Variants in TENM4 observed in about 807,000 individuals in gnomAD.
TENM4 encodes teneurin transmembrane protein 4.
TENM4 carries 82 observed loss-of-function variants against 243.3 expected under a neutral mutation model. That is an observed-to-expected ratio of 0.34 (90% CI 0.28 to 0.40). TENM4 has a LOEUF of 0.40. Ranked by LOEUF, TENM4 falls within the 10% of genes least tolerant of loss-of-function variation. TENM4 has a pLI of 1.00. For synonymous variants in TENM4, 1,412 were observed against 1,456.3 expected (o/e 0.97, Z 0.69); for missense variants, 3,138 against 3,673.3 (o/e 0.85, Z 3.77).
intron 1 of TENM4, among the ~76,000 whole-genome samples, chr11:79,379,057 A>T (rs143997523): frequency 6.6e-6 from 1 of 152,182 alleles, no homozygotes; most frequent in Admixed American, 6.5e-5. Flanking sequence ...AGAAAATAAG[A>T]CAATGAGAGT....
intron 20 of TENM4, 118 bp from the exon 21 acceptor site, chr11:78,732,695 G>A: frequency 8.2e-7 from 1 of 1,221,064 alleles, no homozygotes; most frequent in Non-Finnish European, 1.1e-6. Flanking sequence ...AGCATTTCTT[G>A]AGGGAGGCTC....
chr11:78,926,689 TTC>T (rs66505837), intron 6 of TENM4, among the ~76,000 whole-genome samples: 30,932 of 149,268 alleles, frequency 0.21, 3,261 homozygotes, highest in Middle Eastern at 0.27. Flanking sequence ...TTTTTTTTTT[TTC>T]TGCCACAGAG....
intron 12 of TENM4, among the ~76,000 whole-genome samples, chr11:78,844,833 T>A (rs111366654): frequency 3.8e-4 from 58 of 152,230 alleles, no homozygotes; most frequent in African/African-American, 1.4e-3. Flanking sequence ...AGAAATAAAT[T>A]TCTATTTTAA....
chr11:78,921,168 C>A (rs207472030), intron 6 of TENM4, among the ~76,000 whole-genome samples: 1 of 152,176 alleles, frequency 6.6e-6, no homozygotes, highest in African/African-American at 2.4e-5. Context: ...TTACAGGGAT[C>A]CAGAAAAGCT....
intron 10 of TENM4, among the ~76,000 whole-genome samples, chr11:78,857,829 A>C (rs950230951): frequency 6.6e-6 from 1 of 152,264 alleles, no homozygotes; most frequent in Non-Finnish European, 1.5e-5. Context: ...ATTCTTTCTT[A>C]TCTGATTTTT....
intron 4 of TENM4, among the ~76,000 whole-genome samples, chr11:79,110,168 A>G (rs1175663884): frequency 6.6e-6 from 1 of 152,174 alleles, no homozygotes; most frequent in African/African-American, 2.4e-5. Context: ...CATCATCATC[A>G]TAACACAGAC....
At chr11:79,041,667 C>T (rs1859536135) in intron 6 of TENM4, among the ~76,000 whole-genome samples, 2 of 152,252 alleles carry the variant, frequency 1.3e-5, no homozygotes, top group South Asian at 4.1e-4. Flanking sequence ...TTTGAAATCA[C>T]TTTGAAGATG....
chr11:78,686,671 G>C (rs1250728126), intron 29 of TENM4, among the ~76,000 whole-genome samples: 1 of 152,198 alleles, frequency 6.6e-6, no homozygotes, highest in African/African-American at 2.4e-5. Flanking sequence ...AGAGTTGATT[G>C]CTTGCTTCAT....
At position 78,670,342 on chromosome 11, in the gene TENM4, G is replaced by A. The variant is rs1034645802; in HGVS notation, c.6003C>T (p.Thr2001=). The change falls in exon 32 of 34, where the codon ACC becomes ACT. Residue 2001 remains threonine, a synonymous_variant. Transcript: ENST00000278550. ...CCCTGCGGCCAGTGCCCAGGTAGAA[G>A]GTGTGAAGGAGGTGCCCATCCTCAG... ...DFTEDGHLLH[T]FYLGTGRRVI... 1 of 1,613,912 alleles carries A rather than the reference G, an allele frequency of 6.2e-7. No individual in the cohort carries two copies. Among genetic ancestry groups the A allele is most frequent in the African/African-American group, 1.3e-5 (1 of 75,050 alleles).
chr11:78,849,710 C>T (rs552582512), intron 12 of TENM4, among the ~76,000 whole-genome samples: 15 of 152,274 alleles, frequency 9.9e-5, no homozygotes, highest in African/African-American at 1.7e-4. Flanking sequence ...GTCAGACAGA[C>T]GCAAATTCAT....
rs111262063 is a variant in TENM4, at chr11:78,866,579, C to G, written c.1085-3447G>C. Among the ~76,000 whole-genome samples, 167 of 150,106 alleles carry G rather than the reference C, an allele frequency of 1.1e-3. 2 individuals carry two copies. Among genetic ancestry groups the G allele is most frequent in the Middle Eastern group, 7.1e-3 (2 of 280 alleles). The stretch of plus-strand genomic sequence containing the variant: ...CCCAGGGAAGTTAATGAGGGCAGGA[C>G]AGTCCACAGTTATGAGGGTGGGGGA... On this transcript the variant is annotated intron_variant, in intron 9 of 33. Transcript: ENST00000278550.
At chr11:79,139,606 ATATAT>A (rs1189988144) in intron 4 of TENM4, among the ~76,000 whole-genome samples, 1 of 103,268 alleles carries the variant, frequency 9.7e-6, no homozygotes, top group African/African-American at 4.1e-5. Flanking sequence ...TATATAAAAT[ATATAT>A]TATATTTATA....
chr11:79,195,088 C>G (rs893670052), intron 3 of TENM4, among the ~76,000 whole-genome samples: 1 of 152,244 alleles, frequency 6.6e-6, no homozygotes, highest in African/African-American at 2.4e-5. Flanking sequence ...CAAGCCTTGG[C>G]AGCCTCCACA....
rs570535241 is a variant in TENM4, at chr11:79,251,718, T to G, written c.-264-35809A>C. Among the ~76,000 whole-genome samples, 9 of 151,700 alleles carry G rather than the reference T, an allele frequency of 5.9e-5. No homozygotes were observed. The South Asian group carries it at 1.9e-3, about 32-fold the overall frequency. On this transcript the variant is annotated intron_variant, in intron 2 of 33. Coordinates refer to ENST00000278550, the MANE Select transcript of TENM4 (RefSeq NM_001098816.3). ...TGATAGATTATACATGTATTTAAAT[T>G]ACTAAAAAGATAAAGGAATAAAAAT...
intron 12 of TENM4, among the ~76,000 whole-genome samples, chr11:78,844,392 C>T (rs189660365): frequency 1.5e-3 from 231 of 152,264 alleles, no homozygotes; most frequent in Non-Finnish European, 2.7e-3. Flanking sequence ...GCCTGTAATT[C>T]CAGCACTTTG....
intron 18 of TENM4, among the ~76,000 whole-genome samples, chr11:78,763,331 G>C (rs1306824959): frequency 6.6e-6 from 1 of 152,190 alleles, no homozygotes; most frequent in Non-Finnish European, 1.5e-5. Context: ...TAGGGATGCA[G>C]CCATGCTGCA....
rs552792142 is a variant in TENM4 at position 79,119,924 on chromosome 11, A to T, written c.-66+28786T>A. Among the ~76,000 whole-genome samples the T allele has an allele frequency of 3.9e-5, 6 of 152,346 alleles. No homozygotes were observed. The South Asian group carries it at 1.2e-3, about 32-fold the overall frequency. On this transcript the variant is annotated intron_variant, in intron 4 of 33. Transcript: ENST00000278550. ...GTAACCAGGCTGTCTATATCCCAGA[A>T]TAGACATTGAATTATCTACCCCAGC...
intron 19 of TENM4, among the ~76,000 whole-genome samples, chr11:78,750,850 TGTG>T (rs1467351953): frequency 7.7e-5 from 5 of 64,658 alleles, no homozygotes; most frequent in African/African-American, 6.7e-4. Context: ...AAATGAGGCT[TGTG>T]TGTGTGTGTG....
chr11:79,423,425 C>A lies in TENM4; in HGVS notation c.-321+17084G>T, dbSNP rs1221126745. Among the ~76,000 whole-genome samples the A allele has an allele frequency of 2.0e-5, 3 of 152,092 alleles. No individual in the cohort carries two copies. The South Asian group carries it at 6.2e-4, about 32-fold the overall frequency. ...GACTCGTAGCCTGTGCTTTCTCCCCCATACCATCCACAAGAGCAGAGCATG... is the reference window on the plus strand; with the variant it reads ...GACTCGTAGCCTGTGCTTTCTCCCCAATACCATCCACAAGAGCAGAGCATG... On this transcript the variant is annotated intron_variant, in intron 1 of 33. Coordinates refer to ENST00000278550, the MANE Select transcript of TENM4 (RefSeq NM_001098816.3).
Sources: allele counts gnomAD v4.1 joint callset (sites outside exome capture counted in the v4.1 genomes callset), GRCh38; gene constraint gnomAD v4.1.1; transcripts MANE v1.5; gene names NCBI Gene and HGNC (gene_info 2026-07-23, HGNC 2026-07-21).